Variants in ZFHX3 observed in about 807,000 individuals in gnomAD.
The protein encoded by ZFHX3 is zinc finger homeobox protein 3.
ZFHX3 carries 42 observed loss-of-function variants against 279.1 expected under a neutral mutation model. The observed-to-expected ratio is 0.15, with a 90% CI of 0.12 to 0.19. The LOEUF (loss-of-function observed/expected upper bound fraction) is 0.19, where lower values mean the gene tolerates loss of function less well. Among genes scored for constraint, ZFHX3 ranks in the 10% least tolerant of loss-of-function variants. The pLI is 1.00. For missense variants in ZFHX3, 4,981 were observed against 4,754.0 expected, an observed-to-expected ratio of 1.05 and a Z score of -1.40; for synonymous variants, 2,293 against 1,957.8, an observed-to-expected ratio of 1.17 and a Z score of -4.52.
intron 1 of ZFHX3, among the ~76,000 whole-genome samples, chr16:73,858,799 G>A (rs1013192674): frequency 5.9e-5 from 9 of 152,178 alleles, no homozygotes; most frequent in African/African-American, 1.9e-4. Context: ...ATGATGATGG[G>A]ATTCTTAGCA....
chr16:73,011,291 A>AT (rs113239121), intron 1 of ZFHX3, among the ~76,000 whole-genome samples: 281 of 146,566 alleles, frequency 1.9e-3, no homozygotes, highest in East Asian at 5.4e-3. Context: ...GCCCTGGCTA[A>AT]TTTTTTTTTT....
intron 2 of ZFHX3, among the ~76,000 whole-genome samples, chr16:73,587,174 C>G (rs2051936086): frequency 6.6e-6 from 1 of 152,158 alleles, no homozygotes; most frequent in African/African-American, 2.4e-5. Flanking sequence ...AACATCAGTT[C>G]AGAACCATGA....
chr16:72,807,944 A>G (rs541405320), intron 7 of ZFHX3: 1 of 152,294 alleles, frequency 6.6e-6, no homozygotes, highest in South Asian at 2.1e-4. Flanking sequence ...ATGACCGTAG[A>G]ACTGGCCATT....
intron 1 of ZFHX3, chr16:73,815,746 C>T (rs328343): frequency 6.6e-6 from 1 of 151,712 alleles, no homozygotes. Flanking sequence ...TGTATTTTTA[C>T]TAGAGACAGG....
intron 1 of ZFHX3, among the ~76,000 whole-genome samples, chr16:73,023,435 G>T (rs1484052007): frequency 6.6e-6 from 1 of 152,132 alleles, no homozygotes; most frequent in Non-Finnish European, 1.5e-5. Flanking sequence ...GGGGCGGAGG[G>T]AGGAAAGGCT....
chr16:73,098,014 T>C (rs1195545499), intron 7 of ZFHX3, among the ~76,000 whole-genome samples: 2 of 152,148 alleles, frequency 1.3e-5, no homozygotes, highest in South Asian at 2.1e-4. Context: ...TCTTTGGCTA[T>C]TGGAATAATG....
At chr16:73,411,654 A>T (rs763729826) in intron 3 of ZFHX3, among the ~76,000 whole-genome samples, 107 of 152,354 alleles carry the variant, frequency 7.0e-4, no homozygotes, top group South Asian at 1.9e-3. Context: ...ATCAGCATAT[A>T]AAATCCAGGA....
At chr16:73,717,712 T>C (rs1010155779) in intron 1 of ZFHX3, among the ~76,000 whole-genome samples, 2 of 152,148 alleles carry the variant, frequency 1.3e-5, no homozygotes. Context: ...GCAGCCTTGT[T>C]TGAGGCTTAG....
At chr16:73,294,218 C>T (rs2014847156) in intron 4 of ZFHX3, 1 of 152,036 alleles carries the variant, frequency 6.6e-6, no homozygotes, top group South Asian at 2.1e-4. Context: ...TGAGTCTGTC[C>T]TTGAGAGGAG....
At chr16:72,927,476 G>A (rs1959518812) in intron 3 of ZFHX3, among the ~76,000 whole-genome samples, 1 of 152,202 alleles carries the variant, frequency 6.6e-6, no homozygotes, top group Non-Finnish European at 1.5e-5. Flanking sequence ...TTCTTCTCCA[G>A]GTGCAGGTGA....
chr16:73,688,356 C>CAAAAA lies in ZFHX3; in HGVS notation c.-1607-8121_-1607-8117dup, dbSNP rs61469980. Among the ~76,000 whole-genome samples the CAAAAA allele has an allele frequency of 2.6e-4, 27 of 103,716 alleles. 2 individuals carry two copies. Among genetic ancestry groups the CAAAAA allele is most frequent in the Admixed American group, 4.4e-4 (4 of 9,120 alleles). 68.0% of individuals were successfully genotyped at this position (103,716 alleles called of 152,430 possible). A position where few individuals can be genotyped will look rare whatever the true frequency, so the allele number is the denominator to read the frequency against. On this transcript the variant is annotated intron_variant, in intron 1 of 17. Coordinates refer to the ZFHX3 transcript ENST00000641206. Reference sequence around the variant, plus strand: ...TGGGTGACAGAGTGAGACTCCATCTCAAAAAAAAAAAAAAAAAAATTGTAT... The same window carrying CAAAAA: ...TGGGTGACAGAGTGAGACTCCATCTCAAAAAAAAAAAAAAAAAAAAAAAATTGTAT...
intron 2 of ZFHX3, among the ~76,000 whole-genome samples, chr16:73,593,809 A>G (rs2052022767): frequency 2.0e-5 from 3 of 152,230 alleles, no homozygotes. Context: ...AGTTTACCCA[A>G]TAAATCAAAA....
At chr16:73,277,435 T>G (rs1200362591) in intron 4 of ZFHX3, among the ~76,000 whole-genome samples, 1 of 152,180 alleles carries the variant, frequency 6.6e-6, no homozygotes, top group Non-Finnish European at 1.5e-5. Flanking sequence ...TTTTCTTTCT[T>G]ACTGGGTAGA....
chr16:72,928,650 C>G (rs1466475849), intron 3 of ZFHX3, among the ~76,000 whole-genome samples: 1 of 152,178 alleles, frequency 6.6e-6, no homozygotes, highest in Admixed American at 6.5e-5. Flanking sequence ...ACCTCCCTCA[C>G]CAGTAGCACT....
At chr16:73,793,374 G>A (rs913268206) in intron 1 of ZFHX3, among the ~76,000 whole-genome samples, 5 of 152,224 alleles carry the variant, frequency 3.3e-5, no homozygotes, top group African/African-American at 9.6e-5. Flanking sequence ...AAAGCCACCT[G>A]TGTTGGTCAC....
At chr16:73,033,741 C>T (rs1433472602) in intron 1 of ZFHX3, among the ~76,000 whole-genome samples, 1 of 152,160 alleles carries the variant, frequency 6.6e-6, no homozygotes, top group Non-Finnish European at 1.5e-5. Flanking sequence ...ACACCCGCTT[C>T]TCAGCTTACC....
chr16:73,720,035 G>A (rs1313155005), intron 1 of ZFHX3, among the ~76,000 whole-genome samples: 2 of 152,154 alleles, frequency 1.3e-5, no homozygotes, highest in Non-Finnish European at 2.9e-5. Context: ...AGAATAACAG[G>A]CAATCTCAAC....
chr16:73,379,264 G>C (rs898927407), intron 3 of ZFHX3, among the ~76,000 whole-genome samples: 1 of 152,140 alleles, frequency 6.6e-6, no homozygotes, highest in Non-Finnish European at 1.5e-5. Context: ...AAGTTGGTAA[G>C]CAGCCATTAT....
In ZFHX3 at chr16:73,867,993, AG is replaced by A. The variant is rs370654808; in HGVS notation, c.-1608+23657del. Among the ~76,000 whole-genome samples, 61 of 152,316 alleles carry A rather than the reference AG, an allele frequency of 4.0e-4. 2 individuals carry two copies. The South Asian group carries it at 0.012, about 30-fold the overall frequency. Reference sequence around the variant, plus strand: ...GCCATTCTCCCTAGCGCTGGGTGCCAGGCTTCCTTCTTCATACCTCCAGCCC... The same window carrying A: ...GCCATTCTCCCTAGCGCTGGGTGCCAGCTTCCTTCTTCATACCTCCAGCCC... On this transcript the variant is annotated intron_variant, in intron 1 of 17. Transcript: ENST00000641206.
Sources: gnomAD v4.1 joint callset for allele counts (sites outside exome capture counted in the v4.1 genomes callset) on GRCh38, gnomAD v4.1.1 for gene constraint, MANE v1.5 for transcripts, NCBI Gene and HGNC (gene_info 2026-07-23, HGNC 2026-07-21) for gene names.